Variants in SURF6 observed in about 807,000 individuals in gnomAD.
SURF6 encodes the protein surfeit 6, also known as surfeit locus protein 6.
SURF6 carries 28 observed loss-of-function variants against 37.5 expected under a neutral mutation model. That is an observed-to-expected ratio of 0.75 (90% CI 0.55 to 1.02). The LOEUF (loss-of-function observed/expected upper bound fraction) is 1.02. Ranked by LOEUF, SURF6 falls within the 50% of genes least tolerant of loss-of-function variation. The pLI, the probability that SURF6 is intolerant of heterozygous loss-of-function variation, is 0.00. For synonymous variants in SURF6, 248 were observed against 210.9 expected (o/e 1.18, Z -1.52); for missense variants, 560 against 490.5 (o/e 1.14, Z -1.34).
rs1028800446 is a variant in SURF6 at position 133,329,260 on chromosome 9, G to A, written c.*2609C>T. On this transcript the variant is annotated 3_prime_UTR_variant, in exon 5 of 5. Transcript: ENST00000372022. Reference sequence around the variant, plus strand: ...GGTGTACAGGATGGAACATGAAGGCGGACTAGGAGCGTGACCACTGAAGCA... The same window carrying A: ...GGTGTACAGGATGGAACATGAAGGCAGACTAGGAGCGTGACCACTGAAGCA... The A allele has an allele frequency of 3.9e-5, 6 of 154,932 alleles. No individual in the cohort carries two copies. The highest frequency in any genetic ancestry group is 1.9e-4 in the East Asian group (1 of 5,336). The allele number at this position is 154,932 out of a possible 1,614,324, so 9.6% of individuals were successfully genotyped here.
At chr9:133,334,354 C>A (rs2129926679) in intron 2 of SURF6, 38 bp downstream of exon 2, 2 of 1,557,380 alleles carry the variant, frequency 1.3e-6, no homozygotes, top group East Asian at 2.3e-5. Context: ...GCCCCAGCCC[C>A]GCCCTGCACA....
In SURF6 at chr9:133,332,155, T is replaced by G. The variant is rs2129915655; in HGVS notation, c.800A>C (p.Lys267Thr). The G allele has an allele frequency of 1.2e-6, 2 of 1,610,836 alleles. No individual in the cohort carries two copies. Among genetic ancestry groups the G allele is most frequent in the Non-Finnish European group, 1.7e-6 (2 of 1,179,916 alleles). Reference sequence around the variant, plus strand: ...GTAGAGGAGGTTGGTCCACTTCATCTTCGCCTCCAGCTCCTGCGCCTTCCC... The same window carrying G: ...GTAGAGGAGGTTGGTCCACTTCATCGTCGCCTCCAGCTCCTGCGCCTTCCC... ...DEGKAQELEA[K>T]MKWTNLLYKA... Residue 267 changes from lysine (K) to threonine (T), a missense_variant, in exon 5 of 5, where the codon AAG becomes ACG. Lys to Thr is a moderately conservative substitution (Grantham distance 78). Coordinates refer to ENST00000372022, the MANE Select transcript of SURF6 (RefSeq NM_006753.6).
In SURF6 at chr9:133,332,141, T is replaced by C; in HGVS notation, c.814A>G (p.Asn272Asp). 6.2e-7 allele frequency: 1 copy of C among 1,610,998 alleles called. No homozygotes were observed. Among genetic ancestry groups the C allele is most frequent in the Non-Finnish European group, 8.5e-7 (1 of 1,179,934 alleles). Residue 272 changes from asparagine (N) to aspartate (D), a missense_variant, in exon 5 of 5, where the codon AAC (asparagine) becomes GAC (aspartate). Coordinates refer to ENST00000372022, the MANE Select transcript of SURF6 (RefSeq NM_006753.6). ...ACGCCCTCCGCCTTGTAGAGGAGGT[T>C]GGTCCACTTCATCTTCGCCTCCAGC... is the stretch of plus-strand genomic sequence containing the variant. The part of the protein sequence containing the change: ...QELEAKMKWT[N>D]LLYKAEGVKI...
chr9:133,332,829 C>G (rs1024010386), intron 3 of SURF6, 69 bp from the exon 4 acceptor site: 3 of 1,500,488 alleles, frequency 2.0e-6, no homozygotes, highest in African/African-American at 1.4e-5. Context: ...GGCCCATAGT[C>G]GAGAAGAATC....
chr9:133,329,520 A>G lies in SURF6; in HGVS notation c.*2349T>C, dbSNP rs1441956944. 4 of 216,354 alleles carry G rather than the reference A, an allele frequency of 1.8e-5. No individual in the cohort carries two copies. Among genetic ancestry groups the G allele is most frequent in the Non-Finnish European group, 3.8e-5 (4 of 105,770 alleles). The allele number at this position is 216,354 out of a possible 1,614,324, so 13.4% of individuals were successfully genotyped here. A position where few individuals can be genotyped will look rare whatever the true frequency, so the allele number is the denominator to read the frequency against. The stretch of plus-strand genomic sequence containing the variant: ...TCCCAGACGCTGGCGTCACCGCTAG[A>G]CCAAGGAGCCCTCTGGTGGCCCTGT... On this transcript the variant is annotated 3_prime_UTR_variant, in exon 5 of 5. Coordinates refer to ENST00000372022, the MANE Select transcript of SURF6 (RefSeq NM_006753.6).
intron 2 of SURF6, 71 bp downstream of exon 2, chr9:133,334,320 CA>C: frequency 7.0e-7 from 1 of 1,436,660 alleles, no homozygotes; most frequent in Non-Finnish European, 9.4e-7. Flanking sequence ...TTCTTAAGAG[CA>C]AAGGGGACCA....
In SURF6 at chr9:133,332,095, C is replaced by A; in HGVS notation, c.860G>T (p.Arg287Leu). Residue 287 changes from arginine to leucine, a missense_variant, in exon 5 of 5, where the codon CGC becomes CTC. Transcript: ENST00000372022. Reference sequence around the variant, plus strand: ...GCGCTTCAGGGCCTCCTGCAGCAGGCGTTCGTCGTCACGGATCTTCACGCC... The same window carrying A: ...GCGCTTCAGGGCCTCCTGCAGCAGGAGTTCGTCGTCACGGATCTTCACGCC... Reference protein sequence around the residue: ...AEGVKIRDDERLLQEALKRKE... With the variant: ...AEGVKIRDDELLLQEALKRKE... 6.2e-7 allele frequency: 1 copy of A among 1,608,962 alleles called. No individual in the cohort carries two copies. Among genetic ancestry groups the A allele is most frequent in the Non-Finnish European group, 8.5e-7 (1 of 1,179,900 alleles).
chr9:133,335,827 G>A (rs2129932734), intron 1 of SURF6, among the ~76,000 whole-genome samples: 5 of 151,964 alleles, frequency 3.3e-5, no homozygotes, highest in Admixed American at 6.6e-5. Context: ...AGTGAGCCGA[G>A]ATCGCGTCGC....
Position 133,332,086 on chromosome 9 carries a change from T to G in SURF6, c.869A>C (p.Gln290Pro). The G allele has an allele frequency of 6.2e-7, 1 of 1,608,492 alleles. No individual in the cohort carries two copies. Among genetic ancestry groups the G allele is most frequent in the Non-Finnish European group, 8.5e-7 (1 of 1,179,894 alleles). Residue 290 changes from glutamine (Q) to proline (P), a missense_variant, in exon 5 of 5, where the codon CAG (glutamine) becomes CCG (proline). Coordinates refer to ENST00000372022, the MANE Select transcript of SURF6 (RefSeq NM_006753.6). ...CTTCTCCTTGCGCTTCAGGGCCTCC[T>G]GCAGCAGGCGTTCGTCGTCACGGAT... ...VKIRDDERLL[Q>P]EALKRKEKRR...
chr9:133,331,986 G>C lies in SURF6; in HGVS notation c.969C>G (p.Asp323Glu), dbSNP rs2129913562. 7 of 1,598,288 alleles carry C rather than the reference G, an allele frequency of 4.4e-6. No homozygotes were observed. Among genetic ancestry groups the C allele is most frequent in the Non-Finnish European group, 5.9e-6 (7 of 1,178,782 alleles). Residue 323 changes from aspartate (D) to glutamate (E), a missense_variant, in exon 5 of 5, where the codon GAC becomes GAG. Coordinates refer to ENST00000372022, the MANE Select transcript of SURF6 (RefSeq NM_006753.6). ...TCCTGCGCAGGTTCTGCCGCCGCCGGTCCTGGCGCTGCTGCATCTTCTCCA... is the reference window on the plus strand; with the variant it reads ...TCCTGCGCAGGTTCTGCCGCCGCCGCTCCTGGCGCTGCTGCATCTTCTCCA... Reference protein sequence around the residue: ...GVVEKMQQRQDRRRQNLRRKK... With the variant: ...GVVEKMQQRQERRRQNLRRKK...
At position 133,332,125 on chromosome 9, in the gene SURF6, G is replaced by A. The variant is rs1835753421; in HGVS notation, c.830C>T (p.Ala277Val). The A allele has an allele frequency of 6.2e-7, 1 of 1,610,460 alleles. No homozygotes were observed. Among genetic ancestry groups the A allele is most frequent in the Non-Finnish European group, 8.5e-7 (1 of 1,179,936 alleles). ...GTCGTCACGGATCTTCACGCCCTCC[G>A]CCTTGTAGAGGAGGTTGGTCCACTT... ...KMKWTNLLYK[A>V]EGVKIRDDER... Residue 277 changes from alanine (A) to valine (V), a missense_variant, in exon 5 of 5, where the codon GCG (alanine) becomes GTG (valine). Ala to Val is a moderately conservative substitution (Grantham distance 64). Coordinates refer to ENST00000372022, the MANE Select transcript of SURF6 (RefSeq NM_006753.6).
At chr9:133,335,951 C>T (rs2129933159) in intron 1 of SURF6, 88 bp downstream of exon 1, 3 of 1,000,934 alleles carry the variant, frequency 3.0e-6, no homozygotes, top group African/African-American at 3.4e-5. Context: ...GATTTTTTTT[C>T]TAGTACTTTA....
rs2129916765 is a variant in SURF6, at chr9:133,332,250, G to T, written c.705C>A (p.Asn235Lys). Residue 235 changes from asparagine (N) to lysine (K), a missense_variant, in exon 5 of 5, where the codon AAC (asparagine) becomes AAA (lysine). Coordinates refer to ENST00000372022, the MANE Select transcript of SURF6 (RefSeq NM_006753.6). ...GCAGGCGCTCCAGCAGCTGCCGGTA[G>T]TTCCTCCCGGTCAGCGGCGTGAGGT... ...KGNLTPLTGR[N>K]YRQLLERLQA... 15 of 1,604,384 alleles carry T rather than the reference G, an allele frequency of 9.3e-6. No individual in the cohort carries two copies. In the Admixed American group the frequency reaches 2.3e-4, roughly 25 times the overall value.
rs2129920146 is a variant in SURF6, at chr9:133,332,630, G to A, written c.524C>T (p.Thr175Met). The change falls in exon 4 of 5, where the codon ACG (threonine) becomes ATG (methionine). Residue 175 changes from threonine (T) to methionine (M), a missense_variant. Physicochemically the swap from Thr to Met is moderately conservative, Grantham distance 81 (BLOSUM62 -1). Coordinates refer to ENST00000372022, the MANE Select transcript of SURF6 (RefSeq NM_006753.6). ...KEKARKAEEA[T>M]EAQEVVEATP... ...TGCCTCCACCACCTCCTGGGCCTCC[G>A]TGGCCTCCTCAGCCTTCCTGGCCTT... 0.35 allele frequency: 568,193 copies of A among 1,610,854 alleles called. 105,495 individuals are homozygous for A. Among genetic ancestry groups the A allele is most frequent in the South Asian group, 0.46 (42,053 of 91,056 alleles).
At chr9:133,335,586 A>G (rs1246450816) in intron 1 of SURF6, among the ~76,000 whole-genome samples, 1 of 151,950 alleles carries the variant, frequency 6.6e-6, no homozygotes, top group Non-Finnish European at 1.5e-5. Flanking sequence ...AGGCCATGAG[A>G]ACCCTAAGCG....
In SURF6 at chr9:133,333,210, G is replaced by A. The variant is rs2129922921; in HGVS notation, c.394-450C>T. Among the ~76,000 whole-genome samples the A allele has an allele frequency of 1.7e-4, 26 of 152,058 alleles. 1 individual carries two copies. The highest frequency in any genetic ancestry group is 1.1e-3 in the Admixed American group (17 of 15,282). Reference sequence around the variant, plus strand: ...CTACACCAGCCCAAACGAGACCTGTGCTTCAGGAACAAGGGCCCAGAGCCT... The same window carrying A: ...CTACACCAGCCCAAACGAGACCTGTACTTCAGGAACAAGGGCCCAGAGCCT... On this transcript the variant is annotated intron_variant, in intron 3 of 4. Coordinates refer to ENST00000372022, the MANE Select transcript of SURF6 (RefSeq NM_006753.6).
At chr9:133,332,885 C>T (rs2129921873) in intron 3 of SURF6, 125 bp from the exon 4 acceptor site, 41 of 895,200 alleles carry the variant, frequency 4.6e-5, no homozygotes, top group Admixed American at 7.8e-5. Context: ...ACAAGGGGCC[C>T]GCGGAGTTCA....
At chr9:133,333,882 T>C in intron 2 of SURF6, 76 bp from the exon 3 acceptor site, 2 of 1,259,420 alleles carry the variant, frequency 1.6e-6, no homozygotes, top group East Asian at 2.5e-5. Flanking sequence ...CGAATCCCTG[T>C]CCCACTGTGG....
At chr9:133,333,145 C>T (rs1253725993) in intron 3 of SURF6, among the ~76,000 whole-genome samples, 1 of 152,186 alleles carries the variant, frequency 6.6e-6, no homozygotes, top group African/African-American at 2.4e-5. Context: ...CAACGAAGCC[C>T]TCCCCAATGG....
Sources: gnomAD v4.1 joint callset for allele counts (sites outside exome capture counted in the v4.1 genomes callset) on GRCh38, gnomAD v4.1.1 for gene constraint, MANE v1.5 for transcripts, NCBI Gene and HGNC (gene_info 2026-07-23, HGNC 2026-07-21) for gene names.